MEGF8: variants seen among roughly 807,000 people sequenced by gnomAD.
MEGF8 encodes the protein multiple epidermal growth factor-like domains protein 8.
Under a neutral mutation model 302.9 loss-of-function variants are expected in MEGF8, and 156 were observed. The observed-to-expected ratio is 0.52, with a 90% CI of 0.45 to 0.59. MEGF8 has a LOEUF of 0.59. Ranked by LOEUF, MEGF8 falls within the 20% of genes least tolerant of loss-of-function variation. The pLI is 0.00. For missense variants in MEGF8, 3,345 were observed against 3,964.5 expected, an observed-to-expected ratio of 0.84 and a Z score of 4.20; for synonymous variants, 1,621 against 1,660.5, an observed-to-expected ratio of 0.98 and a Z score of 0.58.
chr19:42,374,524 T>G (rs1330040126), intron 41 of MEGF8, among the ~76,000 whole-genome samples: 1 of 151,076 alleles, frequency 6.6e-6, no homozygotes, highest in African/African-American at 2.4e-5. Context: ...TCAGTTAGGC[T>G]TGGTGCCTGG....
At position 42,357,626 on chromosome 19, in the gene MEGF8, C is replaced by T; in HGVS notation, c.5011+42C>T. ...GGAGGGGACAGCCCCCGTGGACCTC[C>T]CGGGCATCTGGGCTTCCTGTGGGCT... On this transcript the variant is annotated intron_variant, in intron 28 of 41. Coordinates refer to ENST00000251268, the MANE Select transcript of MEGF8 (RefSeq NM_001271938.2). The surrounding 1 kb of genome is among the most constrained non-coding windows in gnomAD (Gnocchi z 5.2). The T allele has an allele frequency of 6.5e-7, 1 of 1,529,126 alleles. No individual in the cohort carries two copies. The highest frequency in any genetic ancestry group is 8.8e-7 in the Non-Finnish European group (1 of 1,135,660). The allele number at this position is 1,529,126 out of a possible 1,614,324, so 94.7% of individuals were successfully genotyped here. A position where few individuals can be genotyped will look rare whatever the true frequency, so the allele number is the denominator to read the frequency against.
rs562608956 is a variant in MEGF8 at position 42,363,516 on chromosome 19, A to G, written c.6273+254A>G. 3.3e-5 allele frequency among the ~76,000 whole-genome samples: 5 copies of G among 151,144 alleles called. No individual in the cohort carries two copies. The South Asian group carries it at 6.3e-4, about 19-fold the overall frequency. On this transcript the variant is annotated intron_variant, in intron 35 of 41. Transcript: ENST00000251268. ...CCAACCCCTGGCCTCTGCCTCTCCAACTCTTGTCCATGGTATCATGGTCTC... is the reference window on the plus strand; with the variant it reads ...CCAACCCCTGGCCTCTGCCTCTCCAGCTCTTGTCCATGGTATCATGGTCTC...
At chr19:42,365,112 G>A (rs1183679897) in intron 35 of MEGF8, among the ~76,000 whole-genome samples, 1 of 152,222 alleles carries the variant, frequency 6.6e-6, no homozygotes, top group African/African-American at 2.4e-5. Context: ...TCTGTGGTAA[G>A]CAGAGGCCTC....
At chr19:42,355,482 C>T (rs1410040896) in intron 23 of MEGF8, among the ~76,000 whole-genome samples, 2 of 151,948 alleles carry the variant, frequency 1.3e-5, no homozygotes, top group East Asian at 1.9e-4. Flanking sequence ...CCAGGATGAC[C>T]AGTAGGGGAT....
chr19:42,361,314 G>A (rs1464408840), intron 32 of MEGF8, among the ~76,000 whole-genome samples: 1 of 152,150 alleles, frequency 6.6e-6, no homozygotes, highest in Non-Finnish European at 1.5e-5. Context: ...CTCAGAAAGG[G>A]CTTCCCATGC....
At position 42,375,797 on chromosome 19, in the gene MEGF8, C is replaced by T. The variant is rs373059614; in HGVS notation, c.7560C>T (p.Gly2520=). ...TGGTCCGTGTGGCCCCTGACACTGG[C>T]GTCCATACTGTACACATCCAGCCAC... ...TFVVRVAPDT[G]VHTVHIQPPP... Residue 2520 remains glycine (G), a synonymous_variant, in exon 42 of 42, where the codon GGC becomes GGT. Coordinates refer to ENST00000251268, the MANE Select transcript of MEGF8 (RefSeq NM_001271938.2). This position sits in a 1 kb window ranked among gnomAD's most constrained non-coding sequence, Gnocchi z 7.1. 50 of 1,612,788 alleles carry T rather than the reference C, an allele frequency of 3.1e-5. No homozygotes were observed. Among genetic ancestry groups the T allele is most frequent in the East Asian group, 4.5e-5 (2 of 44,878 alleles).
Position 42,376,185 on chromosome 19 carries a change from G to A in MEGF8, c.7948G>A (p.Val2650Ile). 1 of 1,610,000 alleles carries A rather than the reference G, an allele frequency of 6.2e-7. No homozygotes were observed. Among genetic ancestry groups the A allele is most frequent in the Non-Finnish European group, 8.5e-7 (1 of 1,178,506 alleles). The change falls in exon 42 of 42, where the codon GTC (valine) becomes ATC (isoleucine). Residue 2650 changes from valine to isoleucine, a missense_variant. Val to Ile is a conservative substitution (Grantham distance 29). Coordinates refer to ENST00000251268, the MANE Select transcript of MEGF8 (RefSeq NM_001271938.2). This position sits in a 1 kb window ranked among gnomAD's most constrained non-coding sequence, Gnocchi z 8.2. ...GGACCAGGCCCACATTGACCTGTTT[G>A]TCTTCTTCTCCGTCTTCTTCTCCTG... Reference protein sequence around the residue: ...RQDQAHIDLFVFFSVFFSCFF... With the variant: ...RQDQAHIDLFIFFSVFFSCFF...
At chr19:42,355,558 C>T (rs948504669) in intron 23 of MEGF8, among the ~76,000 whole-genome samples, 200 bp from the exon 24 acceptor site, 3 of 151,980 alleles carry the variant, frequency 2.0e-5, no homozygotes, top group Admixed American at 6.6e-5. Context: ...AGCTAGCAGT[C>T]GGTGAGAGAT....
At chr19:42,346,997 A>G (rs1188542869) in intron 12 of MEGF8, among the ~76,000 whole-genome samples, 2 of 150,840 alleles carry the variant, frequency 1.3e-5, no homozygotes, top group East Asian at 1.9e-4. Flanking sequence ...AAAAAAAAAA[A>G]AAAAAAAAGA....
At chr19:42,350,060 G>C in intron 14 of MEGF8, 88 bp from the exon 15 acceptor site, 1 of 1,067,414 alleles carries the variant, frequency 9.4e-7, no homozygotes, top group Non-Finnish European at 1.4e-6. Context: ...TTCTCAACCT[G>C]GGCTCCAAAC....
chr19:42,362,554 G>A lies in MEGF8; in HGVS notation c.6015G>A (p.Thr2005=), dbSNP rs777039692. 1.9e-6 allele frequency: 3 copies of A among 1,613,314 alleles called. No homozygotes were observed. The highest frequency in any genetic ancestry group is 2.2e-5 in the East Asian group (1 of 44,906). ...ACGAADCEQC[T]REGKCMWTRQ... is the part of the protein sequence containing the mutation. ...GGGCTGCTGACTGCGAGCAGTGCAC[G>A]CGGGAGGGCAAGTGCATGTGGACGC... The change falls in exon 34 of 42, where the codon ACG becomes ACA. Residue 2005 remains threonine, a synonymous_variant. Coordinates refer to ENST00000251268, the MANE Select transcript of MEGF8 (RefSeq NM_001271938.2).
In MEGF8 at chr19:42,363,218, G is replaced by A; in HGVS notation, c.6229G>A (p.Asp2077Asn). The change falls in exon 35 of 42, where the codon GAT (aspartate) becomes AAT (asparagine). Residue 2077 changes from aspartate to asparagine, a missense_variant. Asp to Asn is a conservative substitution (Grantham distance 23). Transcript: ENST00000251268. ...CTCCTGCCTGGACTCTAAGGGAGCA[G>A]ATGGGGGCTGGCAGCACTGTGTTTG... ...CTSCLDSKGA[D>N]GGWQHCVWSS... 6.2e-7 allele frequency: 1 copy of A among 1,610,310 alleles called. No individual in the cohort carries two copies.
rs767117534 is a variant in MEGF8, at chr19:42,346,984, CAAAAAAAA to C, written c.2098-1274_2098-1267del. Among the ~76,000 whole-genome samples, 4 of 49,814 alleles carry C rather than the reference CAAAAAAAA, an allele frequency of 8.0e-5. 1 individual carries two copies. Among genetic ancestry groups the C allele is most frequent in the East Asian group, 1.2e-3 (2 of 1,722 alleles). The allele number at this position is 49,814 out of a possible 152,430, so 32.7% of individuals were successfully genotyped here. On this transcript the variant is annotated intron_variant, in intron 12 of 41. Coordinates refer to ENST00000251268, the MANE Select transcript of MEGF8 (RefSeq NM_001271938.2). ...TGGGTGACAGAGAGAGACTCTGTCT[CAAAAAAAA>C]AAAAAAAAAAAAAGAAAAAGAAAAA...
rs759312023 is a variant in MEGF8, at chr19:42,356,813, G to A, written c.4662G>A (p.Ala1554=). 33 of 1,556,468 alleles carry A rather than the reference G, an allele frequency of 2.1e-5. No individual in the cohort carries two copies. In the African/African-American group the frequency reaches 2.9e-4, roughly 14 times the overall value. Residue 1554 remains alanine, a synonymous_variant, in exon 27 of 42, where the codon GCG becomes GCA. Coordinates refer to ENST00000251268, the MANE Select transcript of MEGF8 (RefSeq NM_001271938.2). This position sits in a 1 kb window ranked among gnomAD's most constrained non-coding sequence, Gnocchi z 5.2. ...AGCGGCGGTGGACACAGATGCTGGC[G>A]GGAGCCGAGGACGGGGGCCCAGGCC... The part of the protein sequence containing the change: ...VSERRWTQML[A]GAEDGGPGPS...
At position 42,362,131 on chromosome 19, in the gene MEGF8, C is replaced by T. The variant is rs763036582; in HGVS notation, c.5762C>T (p.Ser1921Phe). ...TCCCCCTGCTCCCCAATGCCTCGCT[C>T]CCCGGAGGAATGTCGACGTCTCCGG... Reference protein sequence around the residue: ...GGSPCSPMPRSPEECRRLRTC... With the variant: ...GGSPCSPMPRFPEECRRLRTC... The change falls in exon 33 of 42, where the codon TCC becomes TTC. Residue 1921 changes from serine to phenylalanine, a missense_variant. Coordinates refer to ENST00000251268, the MANE Select transcript of MEGF8 (RefSeq NM_001271938.2). The T allele has an allele frequency of 9.9e-6, 16 of 1,612,278 alleles. No homozygotes were observed. Among genetic ancestry groups the T allele is most frequent in the Non-Finnish European group, 1.3e-5 (15 of 1,179,510 alleles).
Position 42,325,970 on chromosome 19 carries a change from G to T in MEGF8, c.-274G>T. ...CCCCTATGGAGCCCTGTGTCTATAG[G>T]GGACTCCTACGGTCCCTAGGGTTCG... On this transcript the variant is annotated 5_prime_UTR_variant, in exon 1 of 42. Transcript: ENST00000251268. 2.5e-6 allele frequency: 1 copy of T among 403,832 alleles called. No individual in the cohort carries two copies. The highest frequency in any genetic ancestry group is 4.3e-6 in the Non-Finnish European group (1 of 231,834). The allele number at this position is 403,832 out of a possible 1,614,324, so 25.0% of individuals were successfully genotyped here.
chr19:42,373,576 T>TG (rs59155333), intron 41 of MEGF8, among the ~76,000 whole-genome samples: 3,401 of 151,302 alleles, frequency 0.022, 138 homozygotes, highest in African/African-American at 0.077. Context: ...AATTTTTTTT[T>TG]TAGAGATGGG....
intron 12 of MEGF8, among the ~76,000 whole-genome samples, chr19:42,347,484 T>C (rs907046874): frequency 6.6e-6 from 1 of 151,140 alleles, no homozygotes; most frequent in Non-Finnish European, 1.5e-5. Context: ...TGCCTGGCTG[T>C]TTTTTGTATT....
chr19:42,350,192 C>T lies in MEGF8; in HGVS notation c.2544C>T (p.Cys848=), dbSNP rs976764331. 2 of 1,613,760 alleles carry T rather than the reference C, an allele frequency of 1.2e-6. No homozygotes were observed. Among genetic ancestry groups the T allele is most frequent in the East Asian group, 2.2e-5 (1 of 44,884 alleles). Residue 848 remains cysteine (C), a synonymous_variant, in exon 15 of 42, where the codon TGC becomes TGT. Transcript: ENST00000251268. The part of the protein sequence containing the change: ...FFLEPYRSSS[C]TSYSSCLGCL... Reference sequence around the variant, plus strand: ...TGGAGCCCTACCGCTCGTCGTCCTGCACCTCCTATTCTTCCTGCCTGGGCT... The same window carrying T: ...TGGAGCCCTACCGCTCGTCGTCCTGTACCTCCTATTCTTCCTGCCTGGGCT...
Sources: gnomAD v4.1 joint callset for allele counts (sites outside exome capture counted in the v4.1 genomes callset) on GRCh38, gnomAD v4.1.1 for gene constraint, Gnocchi (gnomAD v3.1) non-coding constraint, MANE v1.5 for transcripts, NCBI Gene and HGNC (gene_info 2026-07-23, HGNC 2026-07-21) for gene names.